The following TNR variants were observed in gnomAD, a reference collection of about 807,000 sequenced individuals.
The protein encoded by TNR is tenascin R.
In TNR, 45 loss-of-function variants were observed where a neutral mutation model predicts 150.4. The observed-to-expected ratio is 0.30, with a 90% confidence interval of 0.24 to 0.38. TNR has a LOEUF of 0.38. Ranked by LOEUF, TNR falls within the 10% of genes least tolerant of loss-of-function variation. The pLI, the probability that TNR is intolerant of heterozygous loss-of-function variation, is 1.00. For missense variants in TNR, 1,544 were observed against 1,759.1 expected (o/e 0.88, Z 2.19); for synonymous variants, 687 against 678.4 (o/e 1.01, Z -0.20).
chr1:175,530,744 G>A (rs1048600866), intron 1 of TNR, among the ~76,000 whole-genome samples: 1 of 148,200 alleles, frequency 6.7e-6, no homozygotes, highest in African/African-American at 2.5e-5. Flanking sequence ...TCCATTGCTT[G>A]CCTCTCTCTA....
intron 1 of TNR, among the ~76,000 whole-genome samples, chr1:175,557,518 A>G (rs1489915597): frequency 6.6e-6 from 1 of 152,202 alleles, no homozygotes; most frequent in East Asian, 1.9e-4. Context: ...GACAGTTCAC[A>G]TCCAATCTCA....
intron 2 of TNR, among the ~76,000 whole-genome samples, chr1:175,495,960 C>T (rs1371143824): frequency 2.6e-5 from 4 of 152,166 alleles, no homozygotes; most frequent in Admixed American, 2.6e-4. Flanking sequence ...ATCCTGTCAC[C>T]ATGCCTCAGA....
At chr1:175,644,277 C>G (rs192674948) in intron 1 of TNR, among the ~76,000 whole-genome samples, 41 of 152,316 alleles carry the variant, frequency 2.7e-4, no homozygotes, top group Non-Finnish European at 4.9e-4. Flanking sequence ...TCTGAGGTAG[C>G]TGGTCTCAGT....
intron 1 of TNR, among the ~76,000 whole-genome samples, chr1:175,686,185 T>C (rs1353879602): frequency 6.6e-6 from 1 of 152,208 alleles, no homozygotes; most frequent in Non-Finnish European, 1.5e-5. Flanking sequence ...CACTCATTTA[T>C]AGGCCACACT....
chr1:175,521,197 T>A (rs776621287), intron 2 of TNR, among the ~76,000 whole-genome samples: 1 of 152,160 alleles, frequency 6.6e-6, no homozygotes, highest in Non-Finnish European at 1.5e-5. Context: ...CCCTTCGAAA[T>A]GTATTTAATA....
intron 1 of TNR, among the ~76,000 whole-genome samples, chr1:175,724,413 G>A (rs1202896234): frequency 6.6e-6 from 1 of 152,148 alleles, no homozygotes; most frequent in Non-Finnish European, 1.5e-5. Flanking sequence ...TCACTATAAT[G>A]ATGACAGTAC....
intron 2 of TNR, among the ~76,000 whole-genome samples, chr1:175,510,256 A>G (rs1659114941): frequency 6.6e-6 from 1 of 152,072 alleles, no homozygotes; most frequent in Non-Finnish European, 1.5e-5. Flanking sequence ...AATGAAATGT[A>G]TTTAAGGGTT....
At chr1:175,665,551 C>A (rs939881369) in intron 1 of TNR, among the ~76,000 whole-genome samples, 3 of 152,196 alleles carry the variant, frequency 2.0e-5, no homozygotes, top group Non-Finnish European at 4.4e-5. Context: ...CAGGGTGGTT[C>A]ATAAGAGCAG....
chr1:175,721,797 A>G (rs1254232153), intron 1 of TNR, among the ~76,000 whole-genome samples: 2 of 151,936 alleles, frequency 1.3e-5, no homozygotes, highest in East Asian at 3.9e-4. Flanking sequence ...ACCTGCTCTC[A>G]TCCTGCGCAT....
At chr1:175,659,951 GT>G (rs1243630668) in intron 1 of TNR, among the ~76,000 whole-genome samples, 1 of 128,088 alleles carries the variant, frequency 7.8e-6, no homozygotes, top group East Asian at 2.3e-4. Context: ...TCTTTCGCCA[GT>G]TTTTTTCTGG....
intron 19 of TNR, among the ~76,000 whole-genome samples, chr1:175,336,868 G>A (rs1045479444): frequency 6.6e-6 from 1 of 152,162 alleles, no homozygotes; most frequent in East Asian, 1.9e-4. Flanking sequence ...TAGAGAAATA[G>A]TTTTCCTCAA....
intron 15 of TNR, among the ~76,000 whole-genome samples, chr1:175,356,833 T>C (rs1334768318): frequency 6.6e-6 from 1 of 152,232 alleles, no homozygotes; most frequent in Non-Finnish European, 1.5e-5. Flanking sequence ...ATCACATTTA[T>C]GTGACAATTT....
chr1:175,402,087 C>G (rs1343929955), intron 4 of TNR, among the ~76,000 whole-genome samples: 2 of 151,436 alleles, frequency 1.3e-5, no homozygotes, highest in Non-Finnish European at 2.9e-5. Flanking sequence ...GCGGGCGGAT[C>G]ATGAGGTCAG....
Position 175,331,079 on chromosome 1 carries a change from T to TTTCCTTC in TNR, c.3632-845_3632-844insGAAGGAA, listed in dbSNP as rs1557868083. ...TTTCTTTCTTTCTTTCTTTCTTTCC[T>TTTCCTTC]TCTTTCTTTCTTTCTTTCTTTCTCT... On this transcript the variant is annotated intron_variant, in intron 20 of 22. Transcript: ENST00000367674. Among the ~76,000 whole-genome samples, 31 of 77,408 alleles carry TTTCCTTC rather than the reference T, an allele frequency of 4.0e-4. 1 individual carries two copies. Among genetic ancestry groups the TTTCCTTC allele is most frequent in the African/African-American group, 6.3e-4 (14 of 22,234 alleles). The allele number at this position is 77,408 out of a possible 152,430, so 50.8% of individuals were successfully genotyped here.
At chr1:175,604,831 G>A (rs1007962996) in intron 1 of TNR, among the ~76,000 whole-genome samples, 2 of 152,164 alleles carry the variant, frequency 1.3e-5, no homozygotes, top group Admixed American at 1.3e-4. Flanking sequence ...GCGCTAACCA[G>A]GGCAACATGA....
chr1:175,394,206 T>C (rs1653313338), intron 5 of TNR, among the ~76,000 whole-genome samples: 1 of 152,222 alleles, frequency 6.6e-6, no homozygotes, highest in African/African-American at 2.4e-5. Context: ...TTCTTACTAA[T>C]GTGGTAGATC....
intron 1 of TNR, among the ~76,000 whole-genome samples, chr1:175,681,530 C>A (rs1181735229): frequency 2.0e-5 from 3 of 152,140 alleles, no homozygotes; most frequent in Non-Finnish European, 4.4e-5. Context: ...TCCATAAAGC[C>A]CAGGAAGAGA....
chr1:175,694,917 C>G (rs577059316), intron 1 of TNR, among the ~76,000 whole-genome samples: 1 of 152,358 alleles, frequency 6.6e-6, no homozygotes, highest in East Asian at 1.9e-4. Context: ...GTTTAAGCCA[C>G]TCAGTCTGTA....
chr1:175,427,540 TG>T (rs1276125269), intron 2 of TNR, among the ~76,000 whole-genome samples: 1 of 152,204 alleles, frequency 6.6e-6, no homozygotes, highest in African/African-American at 2.4e-5. Context: ...TCTACAGTGT[TG>T]GGCAGGGTAG....
Sources: allele counts gnomAD v4.1 joint callset (sites outside exome capture counted in the v4.1 genomes callset), GRCh38; gene constraint gnomAD v4.1.1; transcripts MANE v1.5; gene names NCBI Gene and HGNC (gene_info 2026-07-23, HGNC 2026-07-21).